Variants in CHN1 observed in about 807,000 individuals in gnomAD.
CHN1 encodes the protein N-chimaerin.
In CHN1, 37 loss-of-function variants were observed where a neutral mutation model predicts 59.5. The observed-to-expected ratio is 0.62, with a 90% CI of 0.48 to 0.82. The LOEUF (loss-of-function observed/expected upper bound fraction) is 0.82, where lower values mean the gene tolerates loss of function less well. Ranked by LOEUF, CHN1 falls within the 40% of genes least tolerant of loss-of-function variation. The pLI is 0.00. For missense variants in CHN1, 469 were observed against 571.0 expected, an observed-to-expected ratio of 0.82 and a Z score of 1.82; for synonymous variants, 206 against 200.4, an observed-to-expected ratio of 1.03 and a Z score of -0.24.
At chr2:174,990,291 G>A (rs775288218) in intron 1 of CHN1, among the ~76,000 whole-genome samples, 9 of 130,726 alleles carry the variant, frequency 6.9e-5, no homozygotes, top group African/African-American at 1.1e-4. Flanking sequence ...GAGAGAGCGC[G>A]AGCGCAAGAG....
At chr2:174,925,133 C>A (rs1689132654) in intron 3 of CHN1, among the ~76,000 whole-genome samples, 1 of 152,206 alleles carries the variant, frequency 6.6e-6, no homozygotes. Context: ...TAAATGGACT[C>A]CCTCTTGGCC....
In CHN1 at chr2:174,803,271, A is replaced by G. The variant is rs182478734; in HGVS notation, c.1103-1459T>C. Among the ~76,000 whole-genome samples, 394 of 152,344 alleles carry G rather than the reference A, an allele frequency of 2.6e-3. 1 individual carries two copies. Among genetic ancestry groups the G allele is most frequent in the African/African-American group, 9.0e-3 (376 of 41,572 alleles). On this transcript the variant is annotated intron_variant, in intron 11 of 12. Transcript: ENST00000409900. ...AATGTAAAAATTTCCTAGCACTGGT[A>G]AAGCAGATTTGATAAATTTCAGAAA...
At chr2:174,864,274 A>G (rs947707010) in intron 6 of CHN1, among the ~76,000 whole-genome samples, 1 of 152,192 alleles carries the variant, frequency 6.6e-6, no homozygotes, top group African/African-American at 2.4e-5. Flanking sequence ...GTCAACTCAG[A>G]GGTCTTTTGT....
At chr2:174,915,843 C>CACATATTTTT (rs1292545769) in intron 4 of CHN1, among the ~76,000 whole-genome samples, 2 of 152,138 alleles carry the variant, frequency 1.3e-5, no homozygotes, top group Non-Finnish European at 2.9e-5. Context: ...AAAAAAATGT[C>CACATATTTTT]AGTTGTGACA....
chr2:174,847,714 C>T, intron 6 of CHN1: 1 of 1,112,450 alleles, frequency 9.0e-7, no homozygotes, highest in Non-Finnish European at 1.2e-6. Context: ...TATTCCTAAA[C>T]TCACTCTGTC....
At chr2:174,894,811 T>C (rs112572199) in intron 5 of CHN1, among the ~76,000 whole-genome samples, 102 of 152,230 alleles carry the variant, frequency 6.7e-4, no homozygotes, top group Middle Eastern at 3.4e-3. Flanking sequence ...CAGTTACCTA[T>C]GGTCAACCAC....
At chr2:174,908,657 A>C (rs907757723) in intron 5 of CHN1, among the ~76,000 whole-genome samples, 8 of 152,202 alleles carry the variant, frequency 5.3e-5, no homozygotes, top group Non-Finnish European at 1.0e-4. Flanking sequence ...GTCTACCTTT[A>C]AGAGCTAGCT....
chr2:174,969,804 T>A (rs924437915), intron 1 of CHN1, among the ~76,000 whole-genome samples: 1 of 152,136 alleles, frequency 6.6e-6, no homozygotes, highest in African/African-American at 2.4e-5. Context: ...GAGGGCAGGA[T>A]TTTTTTGTCA....
intron 1 of CHN1, among the ~76,000 whole-genome samples, chr2:174,956,970 T>C (rs2105419900): frequency 6.6e-6 from 1 of 152,200 alleles, no homozygotes; most frequent in Middle Eastern, 3.4e-3. Flanking sequence ...GTGCCTCTGG[T>C]CACAACATTT....
intron 5 of CHN1, among the ~76,000 whole-genome samples, chr2:174,893,483 G>A (rs1232968627): frequency 3.9e-5 from 6 of 152,030 alleles, no homozygotes; most frequent in East Asian, 1.9e-4. Context: ...AAATAAATGC[G>A]AAGATACTCA....
At chr2:174,967,501 T>A (rs1295893986) in intron 1 of CHN1, among the ~76,000 whole-genome samples, 8 of 152,336 alleles carry the variant, frequency 5.3e-5, no homozygotes, top group African/African-American at 1.9e-4. Flanking sequence ...CGTGTTCCAA[T>A]GTTCATGTTC....
At chr2:174,922,957 A>C (rs1242679861) in intron 3 of CHN1, among the ~76,000 whole-genome samples, 1 of 152,152 alleles carries the variant, frequency 6.6e-6, no homozygotes, top group Non-Finnish European at 1.5e-5. Flanking sequence ...ATAAATAGAG[A>C]TCTGGAAGTA....
intron 1 of CHN1, among the ~76,000 whole-genome samples, chr2:174,984,693 T>A (rs1574243646): frequency 1.3e-5 from 2 of 152,078 alleles, no homozygotes; most frequent in South Asian, 4.1e-4. Flanking sequence ...TAAAAAGAGA[T>A]CTTGTGCAAA....
At chr2:174,899,511 C>T (rs1688321623) in intron 5 of CHN1, among the ~76,000 whole-genome samples, 1 of 152,184 alleles carries the variant, frequency 6.6e-6, no homozygotes, top group African/African-American at 2.4e-5. Context: ...GTATCACCAA[C>T]AAGCTAAACA....
chr2:174,924,652 C>T (rs959220058), intron 3 of CHN1, among the ~76,000 whole-genome samples: 18 of 152,112 alleles, frequency 1.2e-4, no homozygotes, highest in African/African-American at 4.1e-4. Flanking sequence ...GATTTGGAAT[C>T]ATCTTTTCAA....
chr2:174,935,627 T>C (rs962400888), intron 3 of CHN1, among the ~76,000 whole-genome samples: 2 of 152,126 alleles, frequency 1.3e-5, no homozygotes, highest in Non-Finnish European at 2.9e-5. Context: ...TAGAAAAACA[T>C]TTTTAAAACA....
Position 174,809,005 on chromosome 2 carries a change from T to C in CHN1, c.1002A>G (p.Glu334=), listed in dbSNP as rs376051698. ...GTGCACCAGTGATAATGTTGATATC[T>C]TCATACATGTTCACAGAAATATCTG... is the stretch of plus-strand genomic sequence containing the variant. ...EKADISVNMY[E]DINIITGALK... Residue 334 remains glutamate (E), a synonymous_variant, in exon 11 of 13, where the codon GAA becomes GAG. Transcript: ENST00000409900. 511 of 1,610,810 alleles carry C rather than the reference T, an allele frequency of 3.2e-4. No homozygotes were observed. Among genetic ancestry groups the C allele is most frequent in the Non-Finnish European group, 4.2e-4 (490 of 1,178,776 alleles).
intron 6 of CHN1, among the ~76,000 whole-genome samples, chr2:174,862,483 C>T (rs1430566345): frequency 6.6e-6 from 1 of 152,086 alleles, no homozygotes; most frequent in Admixed American, 6.5e-5. Flanking sequence ...CAGGCACACG[C>T]CACCACACCC....
At chr2:174,953,619 C>A (rs1437905066) in intron 1 of CHN1, among the ~76,000 whole-genome samples, 1 of 152,114 alleles carries the variant, frequency 6.6e-6, no homozygotes, top group Non-Finnish European at 1.5e-5. Context: ...CTGCTATACA[C>A]CAACTGTGAC....
Sources: gnomAD v4.1 joint callset for allele counts (sites outside exome capture counted in the v4.1 genomes callset) on GRCh38, gnomAD v4.1.1 for gene constraint, MANE v1.5 for transcripts, NCBI Gene and HGNC (gene_info 2026-07-23, HGNC 2026-07-21) for gene names.